Variants in EPRS1 observed in about 807,000 individuals in gnomAD.
EPRS1 encodes the protein bifunctional glutamate/proline--tRNA ligase.
Under a neutral mutation model 188.3 loss-of-function variants are expected in EPRS1, and 107 were observed. That is an observed-to-expected ratio of 0.57 (90% CI 0.49 to 0.67). EPRS1 has a LOEUF of 0.67. Among genes scored for constraint, EPRS1 ranks in the 30% least tolerant of loss-of-function variants. The pLI is 0.00. For missense variants in EPRS1, 1,577 were observed against 1,802.2 expected (o/e 0.88, Z 2.26); for synonymous variants, 596 against 593.1 (o/e 1.00, Z -0.07).
intron 3 of EPRS1, among the ~76,000 whole-genome samples, chr1:220,034,205 A>G (rs1662135423): frequency 6.6e-6 from 1 of 152,168 alleles, no homozygotes; most frequent in East Asian, 1.9e-4. Context: ...ATAAGATTAT[A>G]GTTTTATCTA....
intron 4 of EPRS1, 78 bp from the exon 5 acceptor site, chr1:220,032,604 G>A: frequency 7.4e-7 from 1 of 1,352,852 alleles, no homozygotes; most frequent in Non-Finnish European, 1.0e-6. Context: ...ACTAATTGAA[G>A]TAATTGAGAT....
chr1:219,982,953 G>T, intron 22 of EPRS1, 109 bp from the exon 23 acceptor site: 1 of 1,026,990 alleles, frequency 9.7e-7, no homozygotes, highest in Non-Finnish European at 1.5e-6. Context: ...ATCAATTTAG[G>T]CAAGTTAAAA....
chr1:219,968,873 G>C lies in EPRS1; in HGVS notation c.4472C>G (p.Pro1491Arg), dbSNP rs781321466. ...CTTGCCACAGACACATTTGGCTCCA[G>C]GCTGCAGTTCACAGAGTGGTTTGAA... ...IPFKPLCELQ[P>R]GAKCVCGKNP... Residue 1491 changes from proline to arginine, a missense_variant, in exon 32 of 32, where the codon CCT becomes CGT. Physicochemically the swap from Pro to Arg is moderately radical, Grantham distance 103 (BLOSUM62 -2). Coordinates refer to ENST00000366923, the MANE Select transcript of EPRS1 (RefSeq NM_004446.3). The C allele has an allele frequency of 1.9e-6, 3 of 1,614,150 alleles. No homozygotes were observed. Among genetic ancestry groups the C allele is most frequent in the Non-Finnish European group, 2.5e-6 (3 of 1,179,980 alleles).
At chr1:219,970,091 G>A (rs1002489887) in intron 30 of EPRS1, among the ~76,000 whole-genome samples, 2 of 152,074 alleles carry the variant, frequency 1.3e-5, no homozygotes, top group Non-Finnish European at 2.9e-5. Context: ...CAAAGTGCTG[G>A]GATTACAGGT....
At chr1:219,982,578 G>A (rs2133194) in intron 23 of EPRS1, 194 bp downstream of exon 23, 189,801 of 406,014 alleles carry the variant, frequency 0.47, 44,925 homozygotes, top group South Asian at 0.53. Flanking sequence ...TTAATGATAA[G>A]GAGCTCTACA....
intron 4 of EPRS1, 60 bp from the exon 5 acceptor site, chr1:220,032,586 C>T: frequency 6.5e-7 from 1 of 1,549,480 alleles, no homozygotes; most frequent in Non-Finnish European, 8.9e-7. Context: ...AGCAAAGTTC[C>T]AGTTGTGACT....
At chr1:220,010,845 A>C (rs1661590903) in intron 13 of EPRS1, 101 bp downstream of exon 13, 4 of 700,132 alleles carry the variant, frequency 5.7e-6, no homozygotes, top group Non-Finnish European at 1.0e-5. Context: ...AAAGAAAATC[A>C]TCTCAAAATC....
At chr1:219,983,106 C>A in intron 22 of EPRS1, 83 bp downstream of exon 22, 1 of 1,169,924 alleles carries the variant, frequency 8.5e-7, no homozygotes, top group Non-Finnish European at 1.2e-6. Context: ...TTATATTTTT[C>A]AAAATTGGTT....
At position 220,033,497 on chromosome 1, in the gene EPRS1, G is replaced by A. The variant is rs1268887129; in HGVS notation, c.388+5C>T. 2 of 1,578,318 alleles carry A rather than the reference G, an allele frequency of 1.3e-6. No individual in the cohort carries two copies. The highest frequency in any genetic ancestry group is 2.7e-5 in the African/African-American group (2 of 72,788). On this transcript the variant is annotated splice_donor_5th_base_variant and intron_variant, in intron 4 of 31. Transcript: ENST00000366923. ...AAACAGAGGATTATTAAGAATTATT[G>A]ATACCTTTTAGGGTGGCCCAAACAC...
chr1:220,036,420 A>G (rs1168198548), intron 2 of EPRS1, among the ~76,000 whole-genome samples: 5 of 152,106 alleles, frequency 3.3e-5, no homozygotes, highest in Non-Finnish European at 7.4e-5. Flanking sequence ...TAACAAAGAC[A>G]TGGAATCCAC....
intron 3 of EPRS1, 29 bp from the exon 4 acceptor site, chr1:220,033,687 G>A (rs1662126086): frequency 6.5e-7 from 1 of 1,532,150 alleles, no homozygotes. Context: ...GAAAAGAAAT[G>A]CATTCCAACA....
chr1:219,978,308 G>A (rs570089693), intron 28 of EPRS1, among the ~76,000 whole-genome samples: 16 of 152,130 alleles, frequency 1.1e-4, no homozygotes, highest in African/African-American at 3.4e-4. Flanking sequence ...GCTCGAGATC[G>A]TTTTTATTCT....
chr1:220,046,352 G>A lies in EPRS1; in HGVS notation c.37C>T (p.Pro13Ser), dbSNP rs1354833228. 9 of 1,614,006 alleles carry A rather than the reference G, an allele frequency of 5.6e-6. No individual in the cohort carries two copies. The highest frequency in any genetic ancestry group is 2.2e-5 in the East Asian group (1 of 44,898). Residue 13 changes from proline to serine, a missense_variant, in exon 1 of 32, where the codon CCT becomes TCT. Transcript: ENST00000366923. ...GGTCTCGGCCCCTTACCTAGCGGAG[G>A]GTCTCCTGAATTCACGGTCAGAGAG... Reference protein sequence around the residue: ...TLSLTVNSGDPPLGALLAVEH... With the variant: ...TLSLTVNSGDSPLGALLAVEH...
intron 20 of EPRS1, among the ~76,000 whole-genome samples, chr1:219,984,904 G>T (rs770320429): frequency 7.2e-5 from 11 of 152,064 alleles, no homozygotes; most frequent in African/African-American, 2.7e-4. Context: ...GCCAGGCGTG[G>T]TGGCGCATGC....
chr1:219,981,518 A>G (rs1660899705), intron 23 of EPRS1, 61 bp from the exon 24 acceptor site: 1 of 962,090 alleles, frequency 1.0e-6, no homozygotes, highest in Non-Finnish European at 1.6e-6. Flanking sequence ...TTAGGGATGT[A>G]ACAGCTAAAC....
intron 3 of EPRS1, among the ~76,000 whole-genome samples, chr1:220,034,203 A>G (rs1662135382): frequency 6.6e-6 from 1 of 152,180 alleles, no homozygotes; most frequent in South Asian, 2.1e-4. Flanking sequence ...CCATAAGATT[A>G]TAGTTTTATC....
At chr1:219,990,535 G>C (rs773631511) in intron 18 of EPRS1, among the ~76,000 whole-genome samples, 1 of 152,124 alleles carries the variant, frequency 6.6e-6, no homozygotes, top group Non-Finnish European at 1.5e-5. Context: ...GAAAGATTAA[G>C]TTCCTTCCCC....
At chr1:219,978,970 T>A (rs1219582469) in intron 27 of EPRS1, among the ~76,000 whole-genome samples, 6 of 139,314 alleles carry the variant, frequency 4.3e-5, no homozygotes, top group Non-Finnish European at 9.6e-5. Context: ...ATATATTTTT[T>A]TTTCCCCCCC....
At chr1:219,976,750 G>C (rs1352820786) in intron 28 of EPRS1, among the ~76,000 whole-genome samples, 1 of 152,090 alleles carries the variant, frequency 6.6e-6, no homozygotes, top group Non-Finnish European at 1.5e-5. Context: ...CATATGAAAG[G>C]GGATAATGAA....
Sources: allele counts gnomAD v4.1 joint callset (sites outside exome capture counted in the v4.1 genomes callset), GRCh38; gene constraint gnomAD v4.1.1; transcripts MANE v1.5; gene names NCBI Gene and HGNC (gene_info 2026-07-23, HGNC 2026-07-21).